KAT6A: variants seen among roughly 807,000 people sequenced by gnomAD.
KAT6A encodes histone acetyltransferase KAT6A.
A neutral mutation model predicts 198.4 loss-of-function variants in KAT6A; 9 were observed. The ratio of observed to expected loss-of-function variants is 0.05; its 90% CI spans 0.03 to 0.08. KAT6A has a LOEUF of 0.08. Ranked by LOEUF, KAT6A falls within the 10% of genes least tolerant of loss-of-function variation. The pLI is 1.00. For synonymous variants in KAT6A, 890 were observed against 883.0 expected (o/e 1.01, Z -0.14); for missense variants, 2,077 against 2,509.9 (o/e 0.83, Z 3.69).
In KAT6A at chr8:41,932,746, G is replaced by A; in HGVS notation, c.5474C>T (p.Ser1825Phe). Residue 1825 changes from serine to phenylalanine, a missense_variant, in exon 17 of 17, where the codon TCT (serine) becomes TTT (phenylalanine). Physicochemically the swap from Ser to Phe is radical, Grantham distance 155. Transcript: ENST00000265713. ...NLASTTMNLTSPLLQCNMSAT... is the reference protein window; with the variant it reads ...NLASTTMNLTFPLLQCNMSAT... ...AGACATGTTGCACTGAAGCAGAGGA[G>A]ATGTGAGGTTCATGGTAGTGGATGC... The A allele has an allele frequency of 6.2e-7, 1 of 1,614,268 alleles. No individual in the cohort carries two copies. The highest frequency in any genetic ancestry group is 8.5e-7 in the Non-Finnish European group (1 of 1,180,036).
intron 2 of KAT6A, among the ~76,000 whole-genome samples, chr8:42,040,139 A>G (rs949773241): frequency 6.6e-6 from 1 of 152,010 alleles, no homozygotes; most frequent in Non-Finnish European, 1.5e-5. Context: ...TTGAGACTTC[A>G]ATAAGAAAGT....
At chr8:41,967,274 A>ATTTATTTATTTATTTATTT (rs1554686629) in intron 8 of KAT6A, among the ~76,000 whole-genome samples, 24 of 142,846 alleles carry the variant, frequency 1.7e-4, no homozygotes, top group African/African-American at 5.4e-4. Flanking sequence ...TAAAAAAAAA[A>ATTTATTTATTTATTTATTT]ATTTATTTAT....
chr8:41,961,113 C>T (rs1045079253), intron 8 of KAT6A, among the ~76,000 whole-genome samples: 5 of 152,224 alleles, frequency 3.3e-5, no homozygotes, highest in African/African-American at 4.8e-5. Flanking sequence ...TTCTCCTCTG[C>T]TCAAGCCTCC....
intron 8 of KAT6A, among the ~76,000 whole-genome samples, chr8:41,969,376 C>T (rs1294110839): frequency 6.6e-6 from 1 of 152,164 alleles, no homozygotes; most frequent in Non-Finnish European, 1.5e-5. Flanking sequence ...CTTCAAACCA[C>T]TTTCTTTATT....
At position 41,948,207 on chromosome 8, in the gene KAT6A, T is replaced by C. The variant is rs976278182; in HGVS notation, c.1741-295A>G. On this transcript the variant is annotated intron_variant, in intron 10 of 16. Transcript: ENST00000265713. ...ATTTTTGCTTTAATAAAAAGATGAATTGTAGCAATCCTTTAGATAGCAAGT... is the reference window on the plus strand; with the variant it reads ...ATTTTTGCTTTAATAAAAAGATGAACTGTAGCAATCCTTTAGATAGCAAGT... Among the ~76,000 whole-genome samples, 6 of 152,228 alleles carry C rather than the reference T, an allele frequency of 3.9e-5. 1 individual carries two copies. The highest frequency in any genetic ancestry group is 1.9e-4 in the East Asian group (1 of 5,202).
chr8:41,991,468 A>G (rs776906679), intron 2 of KAT6A, among the ~76,000 whole-genome samples: 8 of 152,226 alleles, frequency 5.3e-5, no homozygotes, highest in Non-Finnish European at 1.2e-4. Flanking sequence ...GAAAGGAAGG[A>G]AACAGTAGTG....
In KAT6A at chr8:41,957,251, G is replaced by A. The variant is rs78614913; in HGVS notation, c.1483-1840C>T. The A allele has an allele frequency of 4.8e-3, 2,722 of 569,020 alleles. 51 individuals carry two copies. The highest frequency in any genetic ancestry group is 0.046 in the African/African-American group (2,445 of 53,314). The allele number at this position is 569,020 out of a possible 1,614,324, so 35.2% of individuals were successfully genotyped here. On this transcript the variant is annotated intron_variant, in intron 8 of 16. Transcript: ENST00000265713. ...GCCTTTAACCTTTGCACCGTGAAAC[G>A]TTCCTGCACATGCGCTCATGTGTGA...
In KAT6A at chr8:42,048,596, G is replaced by C. The variant is rs747712779; in HGVS notation, c.382C>G (p.Gln128Glu). The C allele has an allele frequency of 1.9e-6, 3 of 1,614,162 alleles. No homozygotes were observed. The East Asian group carries it at 6.7e-5, about 36-fold the overall frequency. ...CCGAATAATGCAGACACATCCTTCT[G>C]ACCTTTCAAAAAACGTTCAATGCTT... ...LKSIERFLKGQKDVSALFGGS... is the reference protein window; with the variant it reads ...LKSIERFLKGEKDVSALFGGS... The change falls in exon 2 of 17, where the codon CAG (glutamine) becomes GAG (glutamate). Residue 128 changes from glutamine (Q) to glutamate (E), a missense_variant. By Grantham distance (29) the Gln-to-Glu change is conservative. This residue lies in a region of KAT6A where 185 missense variants were observed against 185.7 expected (regional missense o/e 1.00). Coordinates refer to ENST00000265713, the MANE Select transcript of KAT6A (RefSeq NM_006766.5).
intron 2 of KAT6A, among the ~76,000 whole-genome samples, chr8:42,027,539 A>G (rs1312971733): frequency 6.6e-6 from 1 of 152,160 alleles, no homozygotes; most frequent in African/African-American, 2.4e-5. Context: ...GTACGTGTCC[A>G]GTAATGTATC....
intron 2 of KAT6A, among the ~76,000 whole-genome samples, chr8:42,037,454 G>A (rs938511971): frequency 6.6e-6 from 1 of 152,166 alleles, no homozygotes; most frequent in Non-Finnish European, 1.5e-5. Flanking sequence ...AAACTCAGGA[G>A]TTAAATGCTT....
In KAT6A at chr8:41,934,698, C is replaced by T. The variant is rs1302893997; in HGVS notation, c.3522G>A (p.Lys1174=). The T allele has an allele frequency of 6.2e-7, 1 of 1,614,178 alleles. No homozygotes were observed. The highest frequency in any genetic ancestry group is 2.2e-5 in the East Asian group (1 of 44,870). ...AAACTGGCATGATTTCCCGACTCAACTTAAATCCTGGTTTTCGACCAGGTC... is the reference window on the plus strand; with the variant it reads ...AAACTGGCATGATTTCCCGACTCAATTTAAATCCTGGTTTTCGACCAGGTC... ...KKRPGRKPGF[K]LSREIMPVST... Residue 1174 remains lysine (K), a synonymous_variant, in exon 17 of 17, where the codon AAG becomes AAA. Coordinates refer to ENST00000265713, the MANE Select transcript of KAT6A (RefSeq NM_006766.5).
In KAT6A at chr8:41,930,627, T is replaced by C. The variant is rs2150852750; in HGVS notation, c.*1578A>G. The C allele has an allele frequency of 5.7e-6, 1 of 174,714 alleles. No individual in the cohort carries two copies. The highest frequency in any genetic ancestry group is 2.4e-5 in the African/African-American group (1 of 41,006). The allele number at this position is 174,714 out of a possible 1,614,324, so 10.8% of individuals were successfully genotyped here. A position where few individuals can be genotyped will look rare whatever the true frequency, so the allele number is the denominator to read the frequency against. ...CCCCTTTTGGATATTTGACTGCACA[T>C]ACCAAGTGGTATAATAGTTTCCATC... On this transcript the variant is annotated 3_prime_UTR_variant, in exon 17 of 17. Coordinates refer to ENST00000265713, the MANE Select transcript of KAT6A (RefSeq NM_006766.5).
intron 8 of KAT6A, among the ~76,000 whole-genome samples, chr8:41,956,322 C>T (rs1822915569): frequency 6.6e-6 from 1 of 152,134 alleles, no homozygotes; most frequent in Admixed American, 6.5e-5. Context: ...GGATGCTCTA[C>T]AAATACTAAC....
intron 2 of KAT6A, among the ~76,000 whole-genome samples, chr8:42,012,140 A>T (rs1826051543): frequency 6.6e-6 from 1 of 152,368 alleles, no homozygotes; most frequent in Admixed American, 6.5e-5. Context: ...AGATACTCAT[A>T]CATAGCTGGT....
intron 8 of KAT6A, among the ~76,000 whole-genome samples, chr8:41,972,771 C>T (rs1823860835): frequency 6.6e-6 from 1 of 152,148 alleles, no homozygotes; most frequent in Admixed American, 6.5e-5. Flanking sequence ...GAGAACATTT[C>T]TGTTTTTAGG....
chr8:42,001,627 G>C (rs1825498117), intron 2 of KAT6A, among the ~76,000 whole-genome samples: 1 of 152,216 alleles, frequency 6.6e-6, no homozygotes, highest in African/African-American at 2.4e-5. Flanking sequence ...GTGCAGTGCA[G>C]AGCAGAGGGA....
At chr8:42,011,983 G>A (rs1004240329) in intron 2 of KAT6A, among the ~76,000 whole-genome samples, 16 of 150,944 alleles carry the variant, frequency 1.1e-4, no homozygotes, top group Admixed American at 5.9e-4. Context: ...CACCAAAGAA[G>A]ATATGTACAT....
chr8:41,933,765 G>T lies in KAT6A; in HGVS notation c.4455C>A (p.Ser1485=). Residue 1485 remains serine, a synonymous_variant, in exon 17 of 17, where the codon TCC becomes TCA. Transcript: ENST00000265713. The surrounding 1 kb of genome is among the most constrained non-coding windows in gnomAD (Gnocchi z 6.2). ...HASEHNSPIS[S]VQSHPSQSVR... is the part of the protein sequence containing the mutation. ...CTGACTGGCTGGGGTGAGACTGAAC[G>T]GAGGAGATAGGGCTATTATGTTCTG... 1 of 1,613,964 alleles carries T rather than the reference G, an allele frequency of 6.2e-7. No individual in the cohort carries two copies. The highest frequency in any genetic ancestry group is 8.5e-7 in the Non-Finnish European group (1 of 1,180,002).
chr8:41,976,361 G>T (rs1403746130), intron 7 of KAT6A, among the ~76,000 whole-genome samples: 1 of 152,184 alleles, frequency 6.6e-6, no homozygotes, highest in African/African-American at 2.4e-5. Flanking sequence ...TTATTGGACA[G>T]TTAATCAAAT....
Sources: allele counts gnomAD v4.1 joint callset (sites outside exome capture counted in the v4.1 genomes callset), GRCh38; gene constraint gnomAD v4.1.1; regional missense constraint gnomAD v4.1.1; non-coding constraint Gnocchi (gnomAD v3.1); transcripts MANE v1.5; gene names NCBI Gene and HGNC (gene_info 2026-07-23, HGNC 2026-07-21).